The following CSRP2 variants were observed in gnomAD, a reference collection of about 807,000 sequenced individuals.
CSRP2 encodes the protein cysteine and glycine-rich protein 2.
A neutral mutation model predicts 24.6 loss-of-function variants in CSRP2; 18 were observed. The observed-to-expected ratio is 0.73, with a 90% CI of 0.51 to 1.09. The LOEUF (loss-of-function observed/expected upper bound fraction) is 1.09, where lower values mean the gene tolerates loss of function less well. Ranked by LOEUF, CSRP2 falls within the 50% of genes least tolerant of loss-of-function variation. CSRP2 has a pLI of 0.00. For missense variants in CSRP2, 215 were observed against 239.4 expected (o/e 0.90, Z 0.67); for synonymous variants, 87 against 84.3 (o/e 1.03, Z -0.18).
intron 2 of CSRP2, chr12:76,864,498 TAATA>T (rs900558878): frequency 1.3e-5 from 2 of 152,088 alleles, no homozygotes; most frequent in African/African-American, 4.8e-5. Context: ...AACAAAAAAA[TAATA>T]AATGCTTGAG....
intron 1 of CSRP2, among the ~76,000 whole-genome samples, chr12:76,876,413 A>C (rs1201940223): frequency 6.6e-6 from 1 of 152,230 alleles, no homozygotes; most frequent in Non-Finnish European, 1.5e-5. Flanking sequence ...AAAATATAAA[A>C]AAAAGAAATT....
At chr12:76,859,278 A>T (rs1322505501) in intron 5 of CSRP2, among the ~76,000 whole-genome samples, 1 of 152,164 alleles carries the variant, frequency 6.6e-6, no homozygotes, top group African/African-American at 2.4e-5. Flanking sequence ...TAAGGTATGT[A>T]TTTGTCTGTT....
At chr12:76,862,683 CAAA>C (rs1953694388) in intron 3 of CSRP2, 3 of 1,208,886 alleles carry the variant, frequency 2.5e-6, no homozygotes, top group South Asian at 2.3e-5. Context: ...ACTACTCTCT[CAAA>C]GAATCAAAAA....
intron 3 of CSRP2, chr12:76,861,659 A>G (rs1178472260): frequency 6.6e-6 from 1 of 152,206 alleles, no homozygotes; most frequent in African/African-American, 2.4e-5. Context: ...AAGAAGCTCA[A>G]AGAACACAGA....
intron 1 of CSRP2, among the ~76,000 whole-genome samples, chr12:76,873,647 G>A (rs1267031106): frequency 1.3e-5 from 2 of 152,186 alleles, no homozygotes; most frequent in Non-Finnish European, 2.9e-5. Flanking sequence ...TTTTTAGAGA[G>A]TTAAGAACAG....
intron 1 of CSRP2, among the ~76,000 whole-genome samples, chr12:76,871,763 CAAAAA>C (rs5799293): frequency 8.1e-6 from 1 of 122,902 alleles, no homozygotes; most frequent in East Asian, 2.4e-4. Context: ...GACTCCGACT[CAAAAA>C]AAAAAAAAAA....
intron 2 of CSRP2, chr12:76,864,147 G>A (rs897413264): frequency 2.6e-5 from 4 of 152,132 alleles, no homozygotes; most frequent in Non-Finnish European, 5.9e-5. Context: ...AAATGTCATC[G>A]AGTTTCATCC....
chr12:76,873,119 C>T (rs1371907876), intron 1 of CSRP2, among the ~76,000 whole-genome samples: 3 of 152,146 alleles, frequency 2.0e-5, no homozygotes, highest in Non-Finnish European at 4.4e-5. Flanking sequence ...TCTATATTTG[C>T]CCAGATTCTA....
chr12:76,859,132 A>G (rs368563765), intron 5 of CSRP2, 104 bp from the exon 6 acceptor site: 37 of 848,496 alleles, frequency 4.4e-5, no homozygotes, highest in South Asian at 2.0e-4. Flanking sequence ...ACTGCTGTGT[A>G]AAAGAGCTCA....
intron 1 of CSRP2, among the ~76,000 whole-genome samples, chr12:76,870,697 A>AT (rs983228951): frequency 0.012 from 1,788 of 145,204 alleles, 12 homozygotes; most frequent in Non-Finnish European, 0.018. Context: ...TTGGATTTAC[A>AT]TTTTTTTTTT....
chr12:76,872,891 C>T (rs891702443), intron 1 of CSRP2, among the ~76,000 whole-genome samples: 9 of 152,254 alleles, frequency 5.9e-5, no homozygotes, highest in African/African-American at 1.7e-4. Context: ...TCTAAACCGG[C>T]GGCAGGATCA....
chr12:76,862,638 T>A (rs1953693841), intron 3 of CSRP2: 1 of 881,474 alleles, frequency 1.1e-6, no homozygotes, highest in Middle Eastern at 3.8e-4. Context: ...ATTTAGCACC[T>A]TGATACGTTG....
Position 76,866,137 on chromosome 12 carries a change from A to C in CSRP2, c.112+12T>G. 2 of 1,592,382 alleles carry C rather than the reference A, an allele frequency of 1.3e-6. No homozygotes were observed. Among genetic ancestry groups the C allele is most frequent in the Non-Finnish European group, 1.7e-6 (2 of 1,160,354 alleles). On this transcript the variant is annotated intron_variant, in intron 2 of 5. Coordinates refer to ENST00000311083, the MANE Select transcript of CSRP2 (RefSeq NM_001321.3). ...AAATTCCGTCAAAGGTGGAGCATGGAGAGCTACTTACTGCAGAGAAAGCAG... is the reference window on the plus strand; with the variant it reads ...AAATTCCGTCAAAGGTGGAGCATGGCGAGCTACTTACTGCAGAGAAAGCAG...
chr12:76,872,923 T>G (rs532057939), intron 1 of CSRP2, among the ~76,000 whole-genome samples: 37 of 152,356 alleles, frequency 2.4e-4, no homozygotes, highest in African/African-American at 8.2e-4. Flanking sequence ...GTTCCTGCAC[T>G]CATCAGAGCC....
At chr12:76,864,802 T>G (rs1361963040) in intron 2 of CSRP2, 1 of 152,180 alleles carries the variant, frequency 6.6e-6, no homozygotes, top group Admixed American at 6.5e-5. Flanking sequence ...ATCTAACTGT[T>G]GAGGCTCAAG....
chr12:76,863,437 A>T, intron 2 of CSRP2, 93 bp from the exon 3 acceptor site: 1 of 1,286,982 alleles, frequency 7.8e-7, no homozygotes. Context: ...ACAAATGGTG[A>T]AGGCTGAGGC....
At position 76,863,230 on chromosome 12, in the gene CSRP2, C is replaced by A; in HGVS notation, c.227G>T (p.Gly76Val). 3 of 1,614,234 alleles carry A rather than the reference C, an allele frequency of 1.9e-6. No individual in the cohort carries two copies. Among genetic ancestry groups the A allele is most frequent in the Non-Finnish European group, 2.5e-6 (3 of 1,180,048 alleles). ...YGPKGYGYGQGAGTLNMDRGE... is the reference protein window; with the variant it reads ...YGPKGYGYGQVAGTLNMDRGE... ...ACGGTCCATGTTAAGCGTGCCAGCG[C>A]CCTGGCCATAACCGTAGCCTTTTGG... The change falls in exon 3 of 6, where the codon GGC becomes GTC. Residue 76 changes from glycine (G) to valine (V), a missense_variant. Coordinates refer to ENST00000311083, the MANE Select transcript of CSRP2 (RefSeq NM_001321.3).
rs560952349 is a variant in CSRP2, at chr12:76,871,108, C to T, written c.-1-4847G>A. On this transcript the variant is annotated intron_variant, in intron 1 of 5. Coordinates refer to ENST00000311083, the MANE Select transcript of CSRP2 (RefSeq NM_001321.3). ...AAGTTGATTGACTGGTTTAAACACA[C>T]CTGGATTAACTCCACCGTTATAATA... Among the ~76,000 whole-genome samples, 24 of 151,930 alleles carry T rather than the reference C, an allele frequency of 1.6e-4. No individual in the cohort carries two copies. In the South Asian group the frequency reaches 3.5e-3, roughly 22 times the overall value.
At chr12:76,863,751 C>T (rs1953707495) in intron 2 of CSRP2, 1 of 159,756 alleles carries the variant, frequency 6.3e-6, no homozygotes, top group African/African-American at 2.4e-5. Context: ...GAATAAAACA[C>T]CACCTTGCTC....
Sources: gnomAD v4.1 joint callset for allele counts (sites outside exome capture counted in the v4.1 genomes callset) on GRCh38, gnomAD v4.1.1 for gene constraint, MANE v1.5 for transcripts, NCBI Gene and HGNC (gene_info 2026-07-23, HGNC 2026-07-21) for gene names.